The following EPB41L2 variants were observed in gnomAD, a reference collection of about 807,000 sequenced individuals.
EPB41L2 encodes band 4.1-like protein 2.
In EPB41L2, 43 loss-of-function variants were observed where a neutral mutation model predicts 113.0. The observed-to-expected ratio is 0.38, with a 90% CI of 0.30 to 0.49. The LOEUF (loss-of-function observed/expected upper bound fraction) is 0.49. Ranked by LOEUF, EPB41L2 falls within the 20% of genes least tolerant of loss-of-function variation. The pLI is 0.95. For synonymous variants in EPB41L2, 442 were observed against 436.7 expected (o/e 1.01, Z -0.15); for missense variants, 1,147 against 1,223.4 (o/e 0.94, Z 0.93).
chr6:130,968,869 T>C (rs560315095), intron 1 of EPB41L2, among the ~76,000 whole-genome samples: 1 of 149,740 alleles, frequency 6.7e-6, no homozygotes, highest in African/African-American at 2.6e-5. Context: ...ATGTATTTGT[T>C]TTTTTAGAGG....
intron 1 of EPB41L2, among the ~76,000 whole-genome samples, chr6:131,051,273 T>C (rs1796471102): frequency 6.6e-6 from 1 of 152,152 alleles, no homozygotes; most frequent in African/African-American, 2.4e-5. Flanking sequence ...AATTTTATTA[T>C]GGCTGCAGTC....
chr6:130,863,493 T>G (rs1482262433), intron 18 of EPB41L2, 145 bp downstream of exon 18: 1 of 577,694 alleles, frequency 1.7e-6, no homozygotes, highest in African/African-American at 1.9e-5. Flanking sequence ...GTATCCAGGC[T>G]GTGTCTTTAT....
At chr6:131,042,301 A>T (rs1176336746) in intron 1 of EPB41L2, among the ~76,000 whole-genome samples, 4 of 152,228 alleles carry the variant, frequency 2.6e-5, no homozygotes, top group Non-Finnish European at 4.4e-5. Flanking sequence ...AATAAAAACT[A>T]GCAAAAGATT....
chr6:130,909,340 C>CG (rs397933725), intron 4 of EPB41L2, among the ~76,000 whole-genome samples: 23 of 152,300 alleles, frequency 1.5e-4, no homozygotes, highest in Non-Finnish European at 2.5e-4. Flanking sequence ...ACTACTCCTC[C>CG]TCCTTAATCC....
chr6:131,018,868 G>C (rs921459044), intron 1 of EPB41L2, among the ~76,000 whole-genome samples: 6 of 152,074 alleles, frequency 3.9e-5, no homozygotes, highest in Non-Finnish European at 8.8e-5. Flanking sequence ...TAAGTTTCTA[G>C]GCTTGTATCC....
At chr6:131,052,529 C>CT (rs1437065352) in intron 1 of EPB41L2, among the ~76,000 whole-genome samples, 2 of 152,168 alleles carry the variant, frequency 1.3e-5, no homozygotes, top group Admixed American at 1.3e-4. Flanking sequence ...TAGTTTAAAG[C>CT]TGAACCAAGG....
chr6:131,003,512 G>C lies in EPB41L2; in HGVS notation c.-14-47013C>G, dbSNP rs189558458. Among the ~76,000 whole-genome samples, 34 of 152,190 alleles carry C rather than the reference G, an allele frequency of 2.2e-4. No individual in the cohort carries two copies. The East Asian group carries it at 6.2e-3, about 28-fold the overall frequency. Reference sequence around the variant, plus strand: ...ACTGTAAGCCCAGTCTTCAATTAGGGGGAAAAGAGAAAGGGCAAAACCACA... The same window carrying C: ...ACTGTAAGCCCAGTCTTCAATTAGGCGGAAAAGAGAAAGGGCAAAACCACA... On this transcript the variant is annotated intron_variant, in intron 1 of 19. Transcript: ENST00000337057.
At chr6:130,908,193 G>C (rs1361049485) in intron 5 of EPB41L2, among the ~76,000 whole-genome samples, 3 of 152,218 alleles carry the variant, frequency 2.0e-5, no homozygotes, top group Admixed American at 6.5e-5. Context: ...TGGTTAGAGT[G>C]GGACTCTTGG....
At chr6:130,901,847 C>T (rs982079966) in intron 6 of EPB41L2, among the ~76,000 whole-genome samples, 3 of 152,182 alleles carry the variant, frequency 2.0e-5, no homozygotes, top group Non-Finnish European at 4.4e-5. Context: ...TGAGCATGAA[C>T]ATTAGATAAT....
chr6:130,890,208 G>T, intron 11 of EPB41L2, 86 bp downstream of exon 11: 1 of 1,385,528 alleles, frequency 7.2e-7, no homozygotes, highest in Non-Finnish European at 9.7e-7. Context: ...TATTTCTGGT[G>T]GCTTTATTAA....
At chr6:131,032,691 A>T (rs1378448568) in intron 1 of EPB41L2, among the ~76,000 whole-genome samples, 3 of 152,186 alleles carry the variant, frequency 2.0e-5, no homozygotes, top group Non-Finnish European at 4.4e-5. Flanking sequence ...TTTGTTAAAA[A>T]CTGTATGAAA....
At chr6:130,961,787 T>C (rs1773628816) in intron 1 of EPB41L2, among the ~76,000 whole-genome samples, 1 of 152,214 alleles carries the variant, frequency 6.6e-6, no homozygotes, top group African/African-American at 2.4e-5. Flanking sequence ...CTTTAATTTC[T>C]ACCAAGAGAG....
intron 5 of EPB41L2, among the ~76,000 whole-genome samples, chr6:130,905,256 T>C (rs1303086964): frequency 2.0e-5 from 3 of 152,156 alleles, no homozygotes; most frequent in African/African-American, 7.2e-5. Context: ...GCTATTTTGA[T>C]AGATCATGTG....
At chr6:131,013,023 A>T (rs923944468) in intron 1 of EPB41L2, among the ~76,000 whole-genome samples, 1 of 152,190 alleles carries the variant, frequency 6.6e-6, no homozygotes, top group African/African-American at 2.4e-5. Flanking sequence ...TTCTAACTAC[A>T]TGACACCCTC....
At chr6:130,958,198 T>C (rs1818097877) in intron 1 of EPB41L2, among the ~76,000 whole-genome samples, 2 of 152,102 alleles carry the variant, frequency 1.3e-5, no homozygotes, top group South Asian at 4.2e-4. Flanking sequence ...ATGCCTGTAA[T>C]CCCAGCACTT....
At position 130,870,012 on chromosome 6, in the gene EPB41L2, G is replaced by A. The variant is rs773204915; in HGVS notation, c.2158C>T (p.Pro720Ser). The A allele has an allele frequency of 6.2e-7, 1 of 1,613,758 alleles. No individual in the cohort carries two copies. The highest frequency in any genetic ancestry group is 8.5e-7 in the Non-Finnish European group (1 of 1,179,994). Residue 720 changes from proline to serine, a missense_variant, in exon 15 of 20, where the codon CCT (proline) becomes TCT (serine). By Grantham distance (74) the Pro-to-Ser change is moderately conservative (BLOSUM62 -1). Transcript: ENST00000337057. ...NGKEISPGSG[P>S]GEIRKVEPVT... ...GGCTCCACCTTACGAATCTCCCCAG[G>A]ACCACTCCCAGGTGATATCTCTTTA...
chr6:130,980,507 T>G, intron 1 of EPB41L2, among the ~76,000 whole-genome samples: 2 of 139,850 alleles, frequency 1.4e-5, no homozygotes, highest in South Asian at 2.3e-4. Flanking sequence ...AGAACAGTAA[T>G]GGGAAATAGA....
At chr6:131,019,420 C>T (rs1240092124) in intron 1 of EPB41L2, among the ~76,000 whole-genome samples, 5 of 152,084 alleles carry the variant, frequency 3.3e-5, no homozygotes, top group Non-Finnish European at 7.4e-5. Context: ...CTATTCTTGT[C>T]ATATTGTACT....
At chr6:130,853,248 A>G (rs1383854751) in intron 19 of EPB41L2, among the ~76,000 whole-genome samples, 1 of 152,182 alleles carries the variant, frequency 6.6e-6, no homozygotes, top group Non-Finnish European at 1.5e-5. Context: ...AGGAGGCTTC[A>G]TTCACTTTTT....
Sources: gnomAD v4.1 joint callset for allele counts (sites outside exome capture counted in the v4.1 genomes callset) on GRCh38, gnomAD v4.1.1 for gene constraint, MANE v1.5 for transcripts, NCBI Gene and HGNC (gene_info 2026-07-23, HGNC 2026-07-21) for gene names.